The following GABRG2 variants were observed in gnomAD, a reference collection of about 807,000 sequenced individuals.
GABRG2 encodes gamma-aminobutyric acid receptor subunit gamma-2.
GABRG2 carries 16 observed loss-of-function variants against 56.4 expected under a neutral mutation model. The ratio of observed to expected loss-of-function variants is 0.28; its 90% CI spans 0.19 to 0.43. The LOEUF (loss-of-function observed/expected upper bound fraction) is 0.43. Ranked by LOEUF, GABRG2 falls within the 20% of genes least tolerant of loss-of-function variation. GABRG2 has a pLI of 1.00. For missense variants in GABRG2, 327 were observed against 582.7 expected, an observed-to-expected ratio of 0.56 and a Z score of 4.52; for synonymous variants, 208 against 205.5, an observed-to-expected ratio of 1.01 and a Z score of -0.10.
Position 162,076,293 on chromosome 5 carries a change from T to A in GABRG2, c.107+8187T>A, listed in dbSNP as rs193253163. Among the ~76,000 whole-genome samples, 191 of 152,322 alleles carry A rather than the reference T, an allele frequency of 1.3e-3. 3 individuals carry two copies. Among genetic ancestry groups the A allele is most frequent in the African/African-American group, 4.3e-3 (178 of 41,578 alleles). ...ATTGTTATTGTTTAATACAGGACAT[T>A]ATTTATCCCCTGATATATCACCAGA... On this transcript the variant is annotated intron_variant, in intron 1 of 9. Transcript: ENST00000639213.
At chr5:162,080,498 T>A (rs890083703) in intron 1 of GABRG2, among the ~76,000 whole-genome samples, 1 of 152,118 alleles carries the variant, frequency 6.6e-6, no homozygotes, top group African/African-American at 2.4e-5. Flanking sequence ...GACTGGAAGA[T>A]TGATTGAGAA....
intron 1 of GABRG2, among the ~76,000 whole-genome samples, chr5:162,092,231 T>C (rs1052716208): frequency 6.6e-6 from 1 of 152,030 alleles, no homozygotes; most frequent in Non-Finnish European, 1.5e-5. Flanking sequence ...CTCTGAGAGC[T>C]GACAGAACCA....
chr5:162,108,365 T>C (rs1373996453), intron 6 of GABRG2, among the ~76,000 whole-genome samples: 2 of 152,176 alleles, frequency 1.3e-5, no homozygotes, highest in Non-Finnish European at 2.9e-5. Flanking sequence ...TTTTCTACAA[T>C]TTCCCAGCTT....
Position 162,080,218 on chromosome 5 carries a change from CTAAA to C in GABRG2, c.107+12116_107+12119del, listed in dbSNP as rs1479639583. Among the ~76,000 whole-genome samples the C allele has an allele frequency of 2.0e-5, 3 of 152,122 alleles. No homozygotes were observed. The East Asian group carries it at 5.8e-4, about 29-fold the overall frequency. Reference sequence around the variant, plus strand: ...GGAAAGCAGACAGTAAACAAACAAACTAAATAAGCTTCAAATTGTGATAGTGTTG... The same window carrying C: ...GGAAAGCAGACAGTAAACAAACAAACTAAGCTTCAAATTGTGATAGTGTTG... On this transcript the variant is annotated intron_variant, in intron 1 of 9. Transcript: ENST00000639213.
chr5:162,135,503 A>G (rs1459013241), intron 6 of GABRG2, among the ~76,000 whole-genome samples: 1 of 152,172 alleles, frequency 6.6e-6, no homozygotes. Flanking sequence ...GATGCTCAGA[A>G]TAAAATAGTG....
chr5:162,139,731 G>A (rs1764414689), intron 6 of GABRG2, among the ~76,000 whole-genome samples: 1 of 152,116 alleles, frequency 6.6e-6, no homozygotes, highest in Non-Finnish European at 1.5e-5. Context: ...TACTAAAATT[G>A]TCTAGCTTTA....
At chr5:162,086,637 C>T (rs1177732659) in intron 1 of GABRG2, among the ~76,000 whole-genome samples, 1 of 151,972 alleles carries the variant, frequency 6.6e-6, no homozygotes, top group Non-Finnish European at 1.5e-5. Flanking sequence ...GCTGTCCTAA[C>T]TTTGAGCACT....
In GABRG2 at chr5:162,154,863, G is replaced by A. The variant is rs1765607332; in HGVS notation, c.*1495G>A. 6.6e-6 allele frequency: 1 copy of A among 151,954 alleles called. No homozygotes were observed. Among genetic ancestry groups the A allele is most frequent in the Admixed American group, 6.6e-5 (1 of 15,230 alleles). The allele number at this position is 151,954 out of a possible 1,614,324, so 9.4% of individuals were successfully genotyped here. A position where few individuals can be genotyped will look rare whatever the true frequency, so the allele number is the denominator to read the frequency against. ...AATGAATGACTCACATAGAGGTTGA[G>A]CCAATGACTGTGGCCTCATTAGATT... On this transcript the variant is annotated 3_prime_UTR_variant, in exon 10 of 10. Transcript: ENST00000639213.
chr5:162,131,888 T>G (rs1763781758), intron 6 of GABRG2, among the ~76,000 whole-genome samples: 1 of 148,308 alleles, frequency 6.7e-6, no homozygotes. Flanking sequence ...CCAATATTAG[T>G]AGCTATAAGG....
chr5:162,102,516 G>T (rs1374785129), intron 5 of GABRG2: 1 of 453,980 alleles, frequency 2.2e-6, no homozygotes, highest in African/African-American at 2.0e-5. Flanking sequence ...CATTTTTGTT[G>T]TTGTTGTTGT....
At chr5:162,129,517 G>A (rs1202497504) in intron 6 of GABRG2, among the ~76,000 whole-genome samples, 3 of 151,686 alleles carry the variant, frequency 2.0e-5, no homozygotes, top group Non-Finnish European at 4.4e-5. Flanking sequence ...AATAACATTT[G>A]TTAAGCACCC....
At chr5:162,097,076 C>T (rs926343927) in intron 3 of GABRG2, among the ~76,000 whole-genome samples, 4 of 152,122 alleles carry the variant, frequency 2.6e-5, no homozygotes, top group Admixed American at 2.6e-4. Context: ...TATAGGCCAA[C>T]TGACTTTCCA....
intron 6 of GABRG2, among the ~76,000 whole-genome samples, chr5:162,133,666 T>C (rs1385905323): frequency 1.3e-5 from 2 of 151,830 alleles, no homozygotes; most frequent in Non-Finnish European, 2.9e-5. Flanking sequence ...CTCAGACAAA[T>C]GAATAGCATT....
intron 4 of GABRG2, chr5:162,099,462 A>T (rs1761249906): frequency 6.6e-6 from 1 of 151,988 alleles, no homozygotes; most frequent in South Asian, 2.1e-4. Context: ...TTTTGTAGAG[A>T]TAGTCTTACT....
At chr5:162,067,744 A>G (rs1446844465), upstream of GABRG2, 2 of 609,946 alleles carry the variant, frequency 3.3e-6, no homozygotes, top group Admixed American at 2.9e-5. Context: ...TGCCTCGATG[A>G]TATTACTCCC....
chr5:162,142,586 C>G (rs1421225699), intron 7 of GABRG2: 13 of 372,896 alleles, frequency 3.5e-5, no homozygotes, highest in Non-Finnish European at 1.0e-5. Flanking sequence ...ATGATGAGTT[C>G]ATGTCCTTTG....
In GABRG2 at chr5:162,155,179, C is replaced by G. The variant is rs1305968347; in HGVS notation, c.*1811C>G. ...CACATTTAGCTGCCAGTTTTACAAA[C>G]CTTTAATATATCAGTGCTCCAGTAT... is the stretch of plus-strand genomic sequence containing the variant. On this transcript the variant is annotated 3_prime_UTR_variant, in exon 10 of 10. Coordinates refer to ENST00000639213, the MANE Select transcript of GABRG2 (RefSeq NM_198904.4). 1 of 152,444 alleles carries G rather than the reference C, an allele frequency of 6.6e-6. No individual in the cohort carries two copies. Among genetic ancestry groups the G allele is most frequent in the Non-Finnish European group, 1.5e-5 (1 of 68,006 alleles). The allele number at this position is 152,444 out of a possible 1,614,324, so 9.4% of individuals were successfully genotyped here. A position where few individuals can be genotyped will look rare whatever the true frequency, so the allele number is the denominator to read the frequency against.
intron 6 of GABRG2, among the ~76,000 whole-genome samples, chr5:162,119,729 A>G (rs753047999): frequency 1.3e-5 from 2 of 152,166 alleles, no homozygotes; most frequent in Non-Finnish European, 2.9e-5. Context: ...AACGGAGCAC[A>G]TCAATGCCTA....
intron 1 of GABRG2, among the ~76,000 whole-genome samples, chr5:162,072,438 T>C (rs1758747113): frequency 6.6e-6 from 1 of 152,004 alleles, no homozygotes; most frequent in Non-Finnish European, 1.5e-5. Context: ...ATCAGAGTAG[T>C]TTGGAGATTG....
Sources: gnomAD v4.1 joint callset for allele counts (sites outside exome capture counted in the v4.1 genomes callset) on GRCh38, gnomAD v4.1.1 for gene constraint, MANE v1.5 for transcripts, NCBI Gene and HGNC (gene_info 2026-07-23, HGNC 2026-07-21) for gene names.